The following WNK2 variants were observed in gnomAD, a reference collection of about 807,000 sequenced individuals.
WNK2 encodes the protein serine/threonine-protein kinase WNK2.
WNK2 carries 67 observed loss-of-function variants against 192.1 expected under a neutral mutation model. That is an observed-to-expected ratio of 0.35 (90% CI 0.29 to 0.43). WNK2 has a LOEUF of 0.43. Among genes scored for constraint, WNK2 ranks in the 20% least tolerant of loss-of-function variants. The pLI, the probability that WNK2 is intolerant of heterozygous loss-of-function variation, is 1.00. For synonymous variants in WNK2, 1,439 were observed against 1,393.9 expected (o/e 1.03, Z -0.72); for missense variants, 2,698 against 3,089.7 (o/e 0.87, Z 3.01).
intron 27 of WNK2, 115 bp downstream of exon 27, chr9:93,306,936 CCG>C (rs1332331724): frequency 1.5e-6 from 2 of 1,322,230 alleles, no homozygotes; most frequent in Admixed American, 3.4e-5. Flanking sequence ...TGTGCCTGCC[CCG>C]CGCCTGCTCC....
chr9:93,198,595 A>T (rs1831721051), intron 2 of WNK2, among the ~76,000 whole-genome samples: 1 of 152,146 alleles, frequency 6.6e-6, no homozygotes, highest in East Asian at 1.9e-4. Context: ...GGGGAAGATG[A>T]CATGATGGAC....
chr9:93,268,912 T>C (rs1310482205), intron 19 of WNK2, 166 bp downstream of exon 19: 2 of 1,560,024 alleles, frequency 1.3e-6, no homozygotes, highest in Admixed American at 3.8e-5. Context: ...TTCCTATCCT[T>C]GTTTTCTGCT....
intron 9 of WNK2, among the ~76,000 whole-genome samples, chr9:93,254,822 AAAG>A (rs577885471): frequency 3.0e-4 from 45 of 152,266 alleles, no homozygotes; most frequent in Middle Eastern, 3.4e-3. Context: ...AAAAAAAAGA[AAAG>A]AAAAGGCTAC....
rs1449612546 is a variant in WNK2, at chr9:93,259,167, C to T, written c.2619C>T (p.Cys873=). ...HPPGAPLAMP[C]RTIVPNAPAT... ...CTGGGGCGCCCCTGGCCATGCCCTG[C>T]CGGACCATTGTGCCAAATGCACCGG... Residue 873 remains cysteine, a synonymous_variant, in exon 12 of 30, where the codon TGC becomes TGT. Coordinates refer to ENST00000427277, the MANE Select transcript of WNK2 (RefSeq NM_006648.4). This position sits in a 1 kb window ranked among gnomAD's most constrained non-coding sequence, Gnocchi z 4.8. 1.2e-6 allele frequency: 2 copies of T among 1,612,392 alleles called. No individual in the cohort carries two copies. The highest frequency in any genetic ancestry group is 1.7e-6 in the Non-Finnish European group (2 of 1,179,686).
At chr9:93,260,008 G>A (rs1843960099) in intron 12 of WNK2, among the ~76,000 whole-genome samples, 1 of 152,188 alleles carries the variant, frequency 6.6e-6, no homozygotes. Flanking sequence ...GTCAGGATGA[G>A]GCAGGGTGAC....
intron 2 of WNK2, among the ~76,000 whole-genome samples, chr9:93,228,484 T>A (rs2131977221): frequency 6.6e-6 from 1 of 152,326 alleles, no homozygotes; most frequent in Non-Finnish European, 1.5e-5. Context: ...CTGTGTTTAG[T>A]TATGTTTCTG....
At chr9:93,284,548 C>T (rs1398428316) in intron 19 of WNK2, among the ~76,000 whole-genome samples, 1 of 151,006 alleles carries the variant, frequency 6.6e-6, no homozygotes, top group Admixed American at 6.6e-5. Context: ...GATAAGGATG[C>T]CTATTCTCAG....
chr9:93,300,163 C>A lies in WNK2; in HGVS notation c.6214+14C>A. ...CTGTGTCCATCTGTCTGTATTTGTT[C>A]TTTTGTATTTTATCACCTCCTGGCC... On this transcript the variant is annotated intron_variant, in intron 26 of 29. Coordinates refer to ENST00000427277, the MANE Select transcript of WNK2 (RefSeq NM_006648.4). 1.2e-6 allele frequency: 2 copies of A among 1,608,996 alleles called. No homozygotes were observed. Among genetic ancestry groups the A allele is most frequent in the Non-Finnish European group, 1.7e-6 (2 of 1,176,320 alleles).
chr9:93,247,090 C>T lies in WNK2; in HGVS notation c.1543-453C>T, dbSNP rs1416448788. 1.3e-5 allele frequency among the ~76,000 whole-genome samples: 2 copies of T among 152,350 alleles called. No individual in the cohort carries two copies. The highest frequency in any genetic ancestry group is 3.9e-4 in the East Asian group (2 of 5,186). ...CCTAATTACAAAACGCATGTCCTTC[C>T]TCCATCTGCAACTCGGGTGTGGCCC... On this transcript the variant is annotated intron_variant, in intron 7 of 29. Transcript: ENST00000427277. The surrounding 1 kb of genome is among the most constrained non-coding windows in gnomAD (Gnocchi z 5.2).
intron 29 of WNK2, among the ~76,000 whole-genome samples, chr9:93,319,653 A>T (rs866920090): frequency 1.6e-4 from 25 of 152,364 alleles, no homozygotes; most frequent in East Asian, 1.2e-3. Flanking sequence ...TCTTTGCTCC[A>T]GATGGGCCGA....
At chr9:93,309,386 A>T (rs1252933499) in intron 28 of WNK2, among the ~76,000 whole-genome samples, 1 of 152,170 alleles carries the variant, frequency 6.6e-6, no homozygotes, top group African/African-American at 2.4e-5. Context: ...GTTACTATGG[A>T]TTCAATTTCT....
chr9:93,190,400 G>A (rs900283299), intron 2 of WNK2, among the ~76,000 whole-genome samples: 6 of 152,218 alleles, frequency 3.9e-5, no homozygotes, highest in South Asian at 2.1e-4. Context: ...CAGTGGTGCC[G>A]TGTGGGCGCC....
At chr9:93,269,084 C>T (rs1344571925) in intron 19 of WNK2, 10 of 801,026 alleles carry the variant, frequency 1.2e-5, no homozygotes, top group African/African-American at 3.4e-5. Flanking sequence ...TCCTCTGTGC[C>T]GCACACCTGC....
At chr9:93,272,862 A>C (rs1846219974) in intron 19 of WNK2, among the ~76,000 whole-genome samples, 1 of 152,160 alleles carries the variant, frequency 6.6e-6, no homozygotes, top group Non-Finnish European at 1.5e-5. Flanking sequence ...ACCTTAATCT[A>C]AGCATACTGA....
chr9:93,185,782 G>A (rs1343908214), intron 2 of WNK2, among the ~76,000 whole-genome samples, 172 bp downstream of exon 2: 1 of 152,232 alleles, frequency 6.6e-6, no homozygotes, highest in Admixed American at 6.5e-5. Flanking sequence ...GTGTGCGGAC[G>A]GCATGTGGGG....
At chr9:93,304,243 A>G (rs1564216844) in intron 26 of WNK2, among the ~76,000 whole-genome samples, 1 of 152,156 alleles carries the variant, frequency 6.6e-6, no homozygotes, top group African/African-American at 2.4e-5. Context: ...ACCCAAGAGC[A>G]GGCTGTTTTT....
At chr9:93,279,371 C>T (rs956542843) in intron 19 of WNK2, among the ~76,000 whole-genome samples, 5 of 152,218 alleles carry the variant, frequency 3.3e-5, no homozygotes, top group African/African-American at 1.2e-4. Context: ...TAGGGTTAAA[C>T]CTGACAGAAT....
At chr9:93,317,881 C>A in intron 29 of WNK2, 1 of 1,569,392 alleles carries the variant, frequency 6.4e-7, no homozygotes, top group Non-Finnish European at 8.7e-7. Context: ...AGATGGCGCC[C>A]TCGGAACCGC....
At chr9:93,222,616 CTG>C (rs1331370695) in intron 2 of WNK2, among the ~76,000 whole-genome samples, 1 of 152,188 alleles carries the variant, frequency 6.6e-6, no homozygotes. Flanking sequence ...CAGCCTCCGT[CTG>C]TGACTCCTCA....
Sources: allele counts gnomAD v4.1 joint callset (sites outside exome capture counted in the v4.1 genomes callset), GRCh38; gene constraint gnomAD v4.1.1; non-coding constraint Gnocchi (gnomAD v3.1); transcripts MANE v1.5; gene names NCBI Gene and HGNC (gene_info 2026-07-23, HGNC 2026-07-21).